The following EYA3 variants were observed in gnomAD, a reference collection of about 807,000 sequenced individuals.
The protein encoded by EYA3 is EYA transcriptional coactivator and phosphatase 3.
Under a neutral mutation model 80.0 loss-of-function variants are expected in EYA3, and 39 were observed. The observed-to-expected ratio is 0.49, with a 90% CI of 0.38 to 0.64. The LOEUF is 0.64. EYA3 is among the 30% of genes least tolerant of loss of function. The pLI is 0.00. For synonymous variants in EYA3, 206 were observed against 232.8 expected, an observed-to-expected ratio of 0.88 and a Z score of 1.05; for missense variants, 523 against 676.1, an observed-to-expected ratio of 0.77 and a Z score of 2.51.
intron 3 of EYA3, among the ~76,000 whole-genome samples, chr1:28,043,175 A>C (rs1355348487): frequency 6.6e-6 from 1 of 152,082 alleles, no homozygotes. Flanking sequence ...AGATCCCTTT[A>C]GTTTTTATAT....
intron 16 of EYA3, 49 bp downstream of exon 16, chr1:27,988,485 AG>A: frequency 6.2e-7 from 1 of 1,600,160 alleles, no homozygotes; most frequent in Non-Finnish European, 8.5e-7. Context: ...CATCATGAGT[AG>A]AAAGTTTTAT....
intron 7 of EYA3, among the ~76,000 whole-genome samples, chr1:28,022,661 AG>A (rs979743801): frequency 9.9e-5 from 15 of 152,184 alleles, no homozygotes; most frequent in African/African-American, 3.4e-4. Flanking sequence ...CTGTCAGCTG[AG>A]AAAGCCTAAA....
At chr1:28,027,169 C>T (rs1364779609) in intron 7 of EYA3, among the ~76,000 whole-genome samples, 1 of 152,168 alleles carries the variant, frequency 6.6e-6, no homozygotes, top group African/African-American at 2.4e-5. Context: ...GAAGAATAGG[C>T]AATTAACTCC....
chr1:28,055,596 A>G (rs1644410501), intron 2 of EYA3, among the ~76,000 whole-genome samples: 1 of 149,898 alleles, frequency 6.7e-6, no homozygotes, highest in Non-Finnish European at 1.5e-5. Context: ...TCAGCTTCCC[A>G]AGTAGCTGGG....
intron 2 of EYA3, among the ~76,000 whole-genome samples, chr1:28,054,195 T>C (rs1163168641): frequency 3.3e-5 from 5 of 152,198 alleles, no homozygotes; most frequent in Admixed American, 6.5e-5. Context: ...TGCTTACTAA[T>C]AGCTATCTAA....
At chr1:28,050,318 G>C (rs1028117740) in intron 2 of EYA3, among the ~76,000 whole-genome samples, 1 of 151,346 alleles carries the variant, frequency 6.6e-6, no homozygotes, top group Non-Finnish European at 1.5e-5. Flanking sequence ...TCAGCCTCTC[G>C]AGTAGCAGGG....
chr1:27,989,141 T>G (rs531081969), intron 15 of EYA3, among the ~76,000 whole-genome samples: 1 of 152,344 alleles, frequency 6.6e-6, no homozygotes, highest in East Asian at 1.9e-4. Context: ...TCACCAGATA[T>G]CCACTCCTTG....
At chr1:28,031,516 C>G (rs1643137473) in intron 6 of EYA3, among the ~76,000 whole-genome samples, 1 of 152,206 alleles carries the variant, frequency 6.6e-6, no homozygotes, top group African/African-American at 2.4e-5. Context: ...CCTGATGCCC[C>G]CAGAATGGGG....
chr1:28,018,947 C>A (rs1170883499), intron 7 of EYA3, among the ~76,000 whole-genome samples: 1 of 152,096 alleles, frequency 6.6e-6, no homozygotes, highest in Non-Finnish European at 1.5e-5. Context: ...GGGTGGATCA[C>A]CTGAGGTCAA....
intron 1 of EYA3, among the ~76,000 whole-genome samples, chr1:28,086,224 T>C (rs569214480): frequency 1.3e-5 from 1 of 79,140 alleles, no homozygotes; most frequent in South Asian, 3.9e-4. Flanking sequence ...TTGTAATTTC[T>C]TTTTTTTTTT....
At position 28,035,627 on chromosome 1, in the gene EYA3, T is replaced by C. The variant is rs1643408963; in HGVS notation, c.278A>G (p.Gln93Arg). The C allele has an allele frequency of 1.2e-6, 2 of 1,614,148 alleles. No homozygotes were observed. Among genetic ancestry groups the C allele is most frequent in the East Asian group, 4.5e-5 (2 of 44,880 alleles). Residue 93 changes from glutamine (Q) to arginine (R), a missense_variant, in exon 6 of 18, where the codon CAG becomes CGG. Around this residue, in one of 2 missense-constraint regions of EYA3, gnomAD observed 304 missense variants for 343.3 expected, o/e 0.89. Coordinates refer to ENST00000373871, the MANE Select transcript of EYA3 (RefSeq NM_001990.4). ...CTGCTGTAGTGTCTGGTATTGAGTCTGTCCAGGGTAAGCAGTTTCCGAAAC... is the reference window on the plus strand; with the variant it reads ...CTGCTGTAGTGTCTGGTATTGAGTCCGTCCAGGGTAAGCAGTTTCCGAAAC... ...VPVSETAYPG[Q>R]TQYQTLQQTQ...
intron 11 of EYA3, among the ~76,000 whole-genome samples, chr1:28,001,153 AATAT>A (rs1274443214): frequency 6.7e-6 from 1 of 149,148 alleles, no homozygotes; most frequent in African/African-American, 2.4e-5. Flanking sequence ...TATACACAGT[AATAT>A]ATAATTTATA....
At chr1:28,036,129 T>C (rs545421164) in intron 5 of EYA3, among the ~76,000 whole-genome samples, 15 of 152,334 alleles carry the variant, frequency 9.8e-5, no homozygotes, top group African/African-American at 3.4e-4. Context: ...ATGGCTCTTA[T>C]GATCAGAAAG....
chr1:27,984,761 T>C (rs1409026651), intron 16 of EYA3, among the ~76,000 whole-genome samples: 1 of 152,164 alleles, frequency 6.6e-6, no homozygotes, highest in Non-Finnish European at 1.5e-5. Flanking sequence ...ATTTCTCTTA[T>C]GAATCTTATA....
At chr1:28,027,661 A>AC in intron 7 of EYA3, 128 bp downstream of exon 7, 2 of 1,193,568 alleles carry the variant, frequency 1.7e-6, no homozygotes, top group Non-Finnish European at 1.2e-6. Context: ...TCCAAGTATC[A>AC]CCCCCTTTCT....
chr1:28,005,847 A>G (rs1432886132), intron 10 of EYA3, among the ~76,000 whole-genome samples: 1 of 152,064 alleles, frequency 6.6e-6, no homozygotes, highest in Non-Finnish European at 1.5e-5. Context: ...GCTCATGCCT[A>G]TAATTCCAGC....
chr1:27,991,554 T>A (rs1571731761), intron 14 of EYA3, among the ~76,000 whole-genome samples: 1 of 152,242 alleles, frequency 6.6e-6, no homozygotes, highest in East Asian at 1.9e-4. Flanking sequence ...ATTCTATTAG[T>A]AATACTCCAT....
At chr1:28,048,531 T>G (rs1644119641) in intron 2 of EYA3, 105 bp from the exon 3 acceptor site, 9 of 784,468 alleles carry the variant, frequency 1.1e-5, no homozygotes, top group African/African-American at 1.7e-5. Flanking sequence ...AACTGTTTAA[T>G]TTTGTTTAGT....
At chr1:28,045,475 T>C (rs1398856458) in intron 3 of EYA3, among the ~76,000 whole-genome samples, 1 of 152,202 alleles carries the variant, frequency 6.6e-6, no homozygotes, top group East Asian at 1.9e-4. Context: ...AGACTATTTG[T>C]AGATCTTATA....
Sources: allele counts gnomAD v4.1 joint callset (sites outside exome capture counted in the v4.1 genomes callset), GRCh38; gene constraint gnomAD v4.1.1; regional missense constraint gnomAD v4.1.1; transcripts MANE v1.5; gene names NCBI Gene and HGNC (gene_info 2026-07-23, HGNC 2026-07-21).